Variants in STRBP observed in about 807,000 individuals in gnomAD.
STRBP encodes the protein spermatid perinuclear RNA binding protein.
STRBP carries 13 observed loss-of-function variants against 80.1 expected under a neutral mutation model. The ratio of observed to expected loss-of-function variants is 0.16; its 90% CI spans 0.11 to 0.26. The LOEUF is 0.26. Ranked by LOEUF, STRBP falls within the 10% of genes least tolerant of loss-of-function variation. STRBP has a pLI of 1.00. For missense variants in STRBP, 485 were observed against 815.2 expected (o/e 0.59, Z 4.93); for synonymous variants, 284 against 291.2 (o/e 0.98, Z 0.25).
At chr9:123,202,162 G>T (rs1448033027) in intron 2 of STRBP, among the ~76,000 whole-genome samples, 1 of 152,132 alleles carries the variant, frequency 6.6e-6, no homozygotes, top group East Asian at 1.9e-4. Flanking sequence ...TTTGGATTCT[G>T]TATCCATTCT....
At position 123,159,135 on chromosome 9, in the gene STRBP, G is replaced by T. The variant is rs145560455; in HGVS notation, c.796C>A (p.Arg266=). Residue 266 remains arginine (R), a synonymous_variant, in exon 9 of 19, where the codon CGA becomes AGA. Coordinates refer to ENST00000348403, the MANE Select transcript of STRBP (RefSeq NM_018387.5). The stretch of plus-strand genomic sequence containing the variant: ...CCAGATGCCAAACACTCCATTACTC[G>T]TCTCAAGGCCTCCCCAGCGCCCAAA... The part of the protein sequence containing the change: ...RPLGAGEALR[R]VMECLASGIL... 210 of 1,613,464 alleles carry T rather than the reference G, an allele frequency of 1.3e-4. No individual in the cohort carries two copies. The African/African-American group carries it at 2.1e-3, about 16-fold the overall frequency.
chr9:123,208,028 G>T (rs1009629092), intron 2 of STRBP, among the ~76,000 whole-genome samples: 1 of 151,838 alleles, frequency 6.6e-6, no homozygotes, highest in African/African-American at 2.4e-5. Context: ...TTAGCCTTCC[G>T]GTACTAGCAA....
chr9:123,260,093 G>A (rs533557990), intron 1 of STRBP, among the ~76,000 whole-genome samples: 13 of 152,302 alleles, frequency 8.5e-5, no homozygotes, highest in African/African-American at 2.9e-4. Flanking sequence ...GCTAAAAAAG[G>A]CACTGTGGTC....
At position 123,122,405 on chromosome 9, in the gene STRBP, G is replaced by T; in HGVS notation, c.*3192C>A. ...TCCCAGCTCTTCAATTAATAATGGT[G>T]GCTGATTCATGATTTTCAAACATTC... On this transcript the variant is annotated 3_prime_UTR_variant, in exon 19 of 19. Coordinates refer to ENST00000348403, the MANE Select transcript of STRBP (RefSeq NM_018387.5). 1 of 1,220,496 alleles carries T rather than the reference G, an allele frequency of 8.2e-7. No homozygotes were observed. 75.6% of individuals were successfully genotyped at this position (1,220,496 alleles called of 1,614,324 possible).
chr9:123,195,851 C>A (rs2039072756), intron 2 of STRBP, among the ~76,000 whole-genome samples: 1 of 151,998 alleles, frequency 6.6e-6, no homozygotes, highest in Non-Finnish European at 1.5e-5. Context: ...AAAATAAAAT[C>A]CTAAAATTTA....
At chr9:123,245,672 C>T (rs949467283) in intron 1 of STRBP, among the ~76,000 whole-genome samples, 1 of 152,204 alleles carries the variant, frequency 6.6e-6, no homozygotes. Context: ...TGAGCCACCA[C>T]GTCCGGCCTC....
In STRBP at chr9:123,180,804, T is replaced by TA. The variant is rs567812438; in HGVS notation, c.4-1578dup. 2.7e-4 allele frequency: 121 copies of TA among 444,234 alleles called. No individual in the cohort carries two copies. The South Asian group carries it at 5.6e-3, about 21-fold the overall frequency. The allele number at this position is 444,234 out of a possible 1,614,324, so 27.5% of individuals were successfully genotyped here. ...CACAGCAAAATGAACAAGGATAACT[T>TA]AGTGAGTTTTCCATAAAGCCTAAAA... is the stretch of plus-strand genomic sequence containing the variant. On this transcript the variant is annotated intron_variant, in intron 3 of 18. Transcript: ENST00000348403.
intron 2 of STRBP, among the ~76,000 whole-genome samples, chr9:123,208,696 G>A (rs115396138): frequency 0.014 from 2,149 of 152,244 alleles, 51 homozygotes; most frequent in African/African-American, 0.049. Context: ...TGCCTGGGAG[G>A]TCTCTCAATT....
intron 1 of STRBP, among the ~76,000 whole-genome samples, chr9:123,261,079 T>C (rs960634200): frequency 6.6e-6 from 1 of 152,232 alleles, no homozygotes; most frequent in South Asian, 2.1e-4. Flanking sequence ...TCAGATCTCA[T>C]AGCTAAATCT....
At chr9:123,192,537 T>C (rs190382494) in intron 2 of STRBP, among the ~76,000 whole-genome samples, 20 of 152,184 alleles carry the variant, frequency 1.3e-4, no homozygotes, top group Admixed American at 8.5e-4. Context: ...GGGAGGGTCA[T>C]TTGAGCTCAG....
At chr9:123,119,396 C>T (rs535163665), downstream of STRBP, among the ~76,000 whole-genome samples, 3 of 116,624 alleles carry the variant, frequency 2.6e-5, no homozygotes, top group Middle Eastern at 7.0e-3. Context: ...CCCCGCCCCC[C>T]GCCAAAAAAC....
chr9:123,142,258 T>G (rs1350603925), intron 13 of STRBP, among the ~76,000 whole-genome samples: 1 of 152,202 alleles, frequency 6.6e-6, no homozygotes, highest in Non-Finnish European at 1.5e-5. Flanking sequence ...GGCAGAGTTC[T>G]CAAGAGATCT....
In STRBP at chr9:123,136,082, G is replaced by T; in HGVS notation, c.1732C>A (p.Pro578Thr). The T allele has an allele frequency of 6.2e-7, 1 of 1,614,076 alleles. No individual in the cohort carries two copies. ...LAALEKLFSGPNAANNKKKKI... is the reference protein window; with the variant it reads ...LAALEKLFSGTNAANNKKKKI... ...TTTTTCTTATTATTTGCCGCATTGG[G>T]TCCAGAAAACAGTTTCTCCAAGGCA... Residue 578 changes from proline (P) to threonine (T), a missense_variant, in exon 16 of 19, where the codon CCC (proline) becomes ACC (threonine). Coordinates refer to ENST00000348403, the MANE Select transcript of STRBP (RefSeq NM_018387.5). This position sits in a 1 kb window ranked among gnomAD's most constrained non-coding sequence, Gnocchi z 4.2.
chr9:123,153,616 G>A (rs1404763632), intron 11 of STRBP, among the ~76,000 whole-genome samples: 1 of 152,156 alleles, frequency 6.6e-6, no homozygotes, highest in African/African-American at 2.4e-5. Context: ...ACTGGGACAG[G>A]GATAACTATA....
At chr9:123,173,589 A>G in intron 5 of STRBP, 88 bp downstream of exon 5, 3 of 1,400,414 alleles carry the variant, frequency 2.1e-6, no homozygotes, top group Non-Finnish European at 1.9e-6. Flanking sequence ...ATTAGCTATT[A>G]GCAATTCTGG....
At chr9:123,243,265 C>CAA (rs1160280485) in intron 1 of STRBP, among the ~76,000 whole-genome samples, 152 of 78,918 alleles carry the variant, frequency 1.9e-3, no homozygotes, top group African/African-American at 3.4e-3. Context: ...ATCAATAAGA[C>CAA]AAAAAAAAAA....
chr9:123,249,891 G>C (rs557156829), intron 1 of STRBP, among the ~76,000 whole-genome samples: 9 of 152,238 alleles, frequency 5.9e-5, no homozygotes, highest in Admixed American at 3.3e-4. Context: ...TTTCCCAGAG[G>C]CTATATAACG....
chr9:123,137,118 C>T lies in STRBP; in HGVS notation c.1498-603G>A, dbSNP rs1588463745. ...GACAGATATCATCACTGCAAAATAA[C>T]GTATGTTAAAGAGGAGATACATGCT... On this transcript the variant is annotated intron_variant, in intron 14 of 18. Coordinates refer to ENST00000348403, the MANE Select transcript of STRBP (RefSeq NM_018387.5). Among the ~76,000 whole-genome samples, 6 of 152,110 alleles carry T rather than the reference C, an allele frequency of 3.9e-5. No individual in the cohort carries two copies. The South Asian group carries it at 8.3e-4, about 21-fold the overall frequency.
intron 3 of STRBP, 35 bp from the exon 4 acceptor site, chr9:123,179,262 A>G: frequency 1.3e-6 from 2 of 1,548,640 alleles, no homozygotes; most frequent in East Asian, 4.5e-5. Flanking sequence ...TTACTTCAAC[A>G]AAAGAAACAT....
Sources: allele counts gnomAD v4.1 joint callset (sites outside exome capture counted in the v4.1 genomes callset), GRCh38; gene constraint gnomAD v4.1.1; non-coding constraint Gnocchi (gnomAD v3.1); transcripts MANE v1.5; gene names NCBI Gene and HGNC (gene_info 2026-07-23, HGNC 2026-07-21).